Variants in RAB11FIP4 observed in about 807,000 individuals in gnomAD.
RAB11FIP4 encodes the protein RAB11 family interacting protein 4.
RAB11FIP4 carries 23 observed loss-of-function variants against 74.3 expected under a neutral mutation model. The ratio of observed to expected loss-of-function variants is 0.31; its 90% confidence interval spans 0.22 to 0.44. The LOEUF (loss-of-function observed/expected upper bound fraction) is 0.44. Ranked by LOEUF, RAB11FIP4 falls within the 20% of genes least tolerant of loss-of-function variation. The pLI is 1.00. For missense variants in RAB11FIP4, 630 were observed against 863.9 expected, an observed-to-expected ratio of 0.73 and a Z score of 3.39; for synonymous variants, 360 against 359.9, an observed-to-expected ratio of 1.00 and a Z score of 0.00.
intron 3 of RAB11FIP4, among the ~76,000 whole-genome samples, chr17:31,517,206 T>TGGGGGGGGGGGGGGG (rs199757879): frequency 4.9e-5 from 1 of 20,248 alleles, no homozygotes; most frequent in Admixed American, 5.9e-4. Flanking sequence ...GGGGGGGCGG[T>TGGGGGGGGGGGGGGG]GGGGGGGGCG....
intron 1 of RAB11FIP4, among the ~76,000 whole-genome samples, chr17:31,430,122 G>T (rs1158216131): frequency 6.6e-6 from 1 of 152,160 alleles, no homozygotes; most frequent in African/African-American, 2.4e-5. Context: ...GAGGTACAAA[G>T]GGAGACCTGA....
At chr17:31,464,145 C>A (rs1466142078) in intron 3 of RAB11FIP4, among the ~76,000 whole-genome samples, 1 of 151,976 alleles carries the variant, frequency 6.6e-6, no homozygotes, top group Non-Finnish European at 1.5e-5. Context: ...CTGTGCCAGA[C>A]CCGCAGGTTC....
chr17:31,514,056 G>T (rs556683930), intron 3 of RAB11FIP4, among the ~76,000 whole-genome samples: 6 of 152,374 alleles, frequency 3.9e-5, no homozygotes, highest in South Asian at 4.1e-4. Flanking sequence ...TGTGGACTCT[G>T]CTTAGTCCAA....
At chr17:31,414,555 G>A (rs1322362422) in intron 1 of RAB11FIP4, among the ~76,000 whole-genome samples, 1 of 152,224 alleles carries the variant, frequency 6.6e-6, no homozygotes, top group Admixed American at 6.5e-5. Flanking sequence ...TGAATGAGGG[G>A]CCACCTGATG....
chr17:31,508,656 C>T (rs2142788213), intron 3 of RAB11FIP4, among the ~76,000 whole-genome samples: 1 of 152,374 alleles, frequency 6.6e-6, no homozygotes, highest in African/African-American at 2.4e-5. Flanking sequence ...CAGGAGACCA[C>T]TCGCTTAGCC....
chr17:31,522,085 G>A (rs1447708727), intron 6 of RAB11FIP4, 36 bp downstream of exon 6: 7 of 1,613,108 alleles, frequency 4.3e-6, no homozygotes, highest in Middle Eastern at 1.6e-4. Context: ...TGAGAGGCCG[G>A]GGGGCCAGGG....
intron 3 of RAB11FIP4, among the ~76,000 whole-genome samples, chr17:31,515,242 G>C (rs2072524264): frequency 6.6e-6 from 1 of 152,058 alleles, no homozygotes; most frequent in African/African-American, 2.4e-5. Context: ...TGAAGAGCTT[G>C]CTTAGGGCAC....
In RAB11FIP4 at chr17:31,446,015, T is replaced by C. The variant is rs372073649; in HGVS notation, c.336+11893T>C. On this transcript the variant is annotated intron_variant, in intron 3 of 14. Coordinates refer to ENST00000621161, the MANE Select transcript of RAB11FIP4 (RefSeq NM_032932.6). ...AGAGTTCCTTGGCTTTTTTTTTCTT[T>C]TCTTTCTTTCTATTTTTTTCTTTTT... 9.5e-4 allele frequency among the ~76,000 whole-genome samples: 144 copies of C among 152,026 alleles called. 7 individuals are homozygous for C. The South Asian group carries it at 0.029, about 31-fold the overall frequency.
At chr17:31,513,707 G>A (rs1231729288) in intron 3 of RAB11FIP4, among the ~76,000 whole-genome samples, 1 of 152,220 alleles carries the variant, frequency 6.6e-6, no homozygotes, top group East Asian at 1.9e-4. Flanking sequence ...TAAAATTTCC[G>A]ATTGCCTTGG....
At chr17:31,424,517 C>T (rs1015297450) in intron 1 of RAB11FIP4, among the ~76,000 whole-genome samples, 1 of 151,678 alleles carries the variant, frequency 6.6e-6, no homozygotes, top group African/African-American at 2.4e-5. Flanking sequence ...TCAAGCAATT[C>T]TCCTGCCTCA....
chr17:31,457,895 C>T (rs117501964), intron 3 of RAB11FIP4, among the ~76,000 whole-genome samples: 1 of 152,150 alleles, frequency 6.6e-6, no homozygotes, highest in Admixed American at 6.5e-5. Flanking sequence ...TATCTGCACC[C>T]CATCTCTCTC....
At chr17:31,506,534 G>C (rs550390636) in intron 3 of RAB11FIP4, among the ~76,000 whole-genome samples, 1 of 152,120 alleles carries the variant, frequency 6.6e-6, no homozygotes, top group East Asian at 1.9e-4. Context: ...ACCTTTCCCC[G>C]TCCTCCCTTC....
chr17:31,525,917 C>T (rs2072759018), intron 10 of RAB11FIP4: 1 of 152,248 alleles, frequency 6.6e-6, no homozygotes. Flanking sequence ...CTCCTCAGGC[C>T]CCCTGAGGCC....
intron 3 of RAB11FIP4, among the ~76,000 whole-genome samples, chr17:31,458,678 G>A (rs887709728): frequency 1.7e-4 from 26 of 152,312 alleles, no homozygotes; most frequent in South Asian, 6.2e-4. Flanking sequence ...GCACCTCTGG[G>A]CCTCCCAGCA....
At chr17:31,500,893 C>T (rs928009123) in intron 3 of RAB11FIP4, among the ~76,000 whole-genome samples, 3 of 152,016 alleles carry the variant, frequency 2.0e-5, no homozygotes, top group Non-Finnish European at 4.4e-5. Context: ...TGTGATGGCA[C>T]GCGCCTGTAG....
chr17:31,452,790 C>T (rs2071538402), intron 3 of RAB11FIP4, among the ~76,000 whole-genome samples: 1 of 152,218 alleles, frequency 6.6e-6, no homozygotes, highest in African/African-American at 2.4e-5. Context: ...GTTACTGTGA[C>T]AGACAAGACG....
At chr17:31,453,791 T>TG (rs1309232460) in intron 3 of RAB11FIP4, among the ~76,000 whole-genome samples, 3 of 78,478 alleles carry the variant, frequency 3.8e-5, no homozygotes, top group African/African-American at 1.2e-4. Context: ...AAGACTCGTC[T>TG]CAAAAAAAAA....
intron 3 of RAB11FIP4, among the ~76,000 whole-genome samples, chr17:31,498,802 G>A (rs1330832599): frequency 2.0e-5 from 3 of 152,294 alleles, no homozygotes; most frequent in Non-Finnish European, 4.4e-5. Context: ...TGGACTCTAC[G>A]AGAAGAAAGA....
intron 3 of RAB11FIP4, among the ~76,000 whole-genome samples, chr17:31,490,511 G>A (rs575216877): frequency 5.9e-5 from 9 of 152,174 alleles, no homozygotes; most frequent in African/African-American, 2.2e-4. Flanking sequence ...AGGGCATGCT[G>A]TTTCCTGGCA....
Sources: gnomAD v4.1 joint callset for allele counts (sites outside exome capture counted in the v4.1 genomes callset) on GRCh38, gnomAD v4.1.1 for gene constraint, MANE v1.5 for transcripts, NCBI Gene and HGNC (gene_info 2026-07-23, HGNC 2026-07-21) for gene names.